Variants in KIAA1671 observed in about 807,000 individuals in gnomAD.
KIAA1671 encodes the protein uncharacterized protein KIAA1671.
A neutral mutation model predicts 131.2 loss-of-function variants in KIAA1671; 52 were observed. That is an observed-to-expected ratio of 0.40 (90% confidence interval 0.32 to 0.50). KIAA1671 has a LOEUF of 0.50. KIAA1671 is among the 20% of genes least tolerant of loss of function. The probability of loss-of-function intolerance (pLI) is 0.73; values close to 1 mark genes in which losing one functional copy is unlikely to be tolerated. For missense variants in KIAA1671, 2,360 were observed against 2,364.2 expected (o/e 1.00, Z 0.04); for synonymous variants, 1,003 against 961.6 (o/e 1.04, Z -0.80).
intron 1 of KIAA1671, chr22:25,013,915 G>C (rs1338942553): frequency 6.6e-6 from 1 of 152,146 alleles, no homozygotes; most frequent in Non-Finnish European, 1.5e-5. Context: ...ATCTTTACTG[G>C]GTCTGCCCCA....
At chr22:24,997,101 T>C (rs1047447988) in intron 1 of KIAA1671, among the ~76,000 whole-genome samples, 2 of 152,202 alleles carry the variant, frequency 1.3e-5, no homozygotes, top group African/African-American at 4.8e-5. Flanking sequence ...CAAATGTTTA[T>C]TGTGTACCCA....
intron 6 of KIAA1671, among the ~76,000 whole-genome samples, chr22:25,079,906 G>A (rs998699973): frequency 6.6e-6 from 1 of 152,080 alleles, no homozygotes; most frequent in Non-Finnish European, 1.5e-5. Context: ...GACCAGTAAG[G>A]AACCACTGCA....
intron 6 of KIAA1671, among the ~76,000 whole-genome samples, chr22:25,099,317 A>G (rs1024283586): frequency 6.6e-6 from 1 of 152,122 alleles, no homozygotes. Context: ...GCCCAGGATC[A>G]CATAGCAAGG....
At chr22:25,187,823 G>A (rs757745576) in intron 11 of KIAA1671, among the ~76,000 whole-genome samples, 5 of 152,142 alleles carry the variant, frequency 3.3e-5, no homozygotes, top group Non-Finnish European at 5.9e-5. Context: ...TTATTAAAAT[G>A]TTGTGTTCTC....
chr22:25,015,340 T>G (rs1352163896), intron 1 of KIAA1671, among the ~76,000 whole-genome samples: 2 of 151,960 alleles, frequency 1.3e-5, no homozygotes, highest in Non-Finnish European at 2.9e-5. Context: ...GGCAGTGGGC[T>G]AGTTTGGCCT....
intron 1 of KIAA1671, among the ~76,000 whole-genome samples, chr22:25,022,355 T>C (rs113900516): frequency 2.0e-5 from 3 of 152,330 alleles, no homozygotes; most frequent in Admixed American, 6.5e-5. Context: ...TGGTTTTGAA[T>C]GGAAGTGCTT....
chr22:24,960,271 C>T (rs1921945463), intron 1 of KIAA1671, among the ~76,000 whole-genome samples: 1 of 151,834 alleles, frequency 6.6e-6, no homozygotes, highest in Non-Finnish European at 1.5e-5. Flanking sequence ...CTGAATAAGG[C>T]CAGCTGTGGT....
intron 1 of KIAA1671, among the ~76,000 whole-genome samples, chr22:24,967,858 T>A (rs1922382725): frequency 6.6e-6 from 1 of 152,094 alleles, no homozygotes; most frequent in Non-Finnish European, 1.5e-5. Flanking sequence ...CCGGGCGTGG[T>A]GGCGGGTGCC....
chr22:25,108,423 G>A (rs1275976945), intron 6 of KIAA1671, among the ~76,000 whole-genome samples: 1 of 152,082 alleles, frequency 6.6e-6, no homozygotes. Context: ...CTGGGCCTGC[G>A]TAATGAGGGA....
chr22:25,009,146 T>C (rs5760796), intron 1 of KIAA1671, among the ~76,000 whole-genome samples: 89,019 of 151,776 alleles, frequency 0.59, 26,197 homozygotes, highest in East Asian at 0.76. Flanking sequence ...GACTTCACAA[T>C]ACCAAGACAT....
Position 25,028,209 on chromosome 22 carries a change from C to A in KIAA1671, c.210C>A (p.Pro70=). The A allele has an allele frequency of 6.4e-7, 1 of 1,551,290 alleles. No homozygotes were observed. The highest frequency in any genetic ancestry group is 1.7e-4 in the Middle Eastern group (1 of 5,990). The part of the protein sequence containing the change: ...LLPLPRLAPK[P]FSKEQDVKSP... ...CTCTGCCAAGGCTCGCCCCCAAACC[C>A]TTCTCGAAGGAGCAGGACGTGAAAT... is the stretch of plus-strand genomic sequence containing the variant. Residue 70 remains proline (P), a synonymous_variant, in exon 3 of 13, where the codon CCC becomes CCA. Coordinates refer to ENST00000358431, the MANE Select transcript of KIAA1671 (RefSeq NM_001145206.2).
intron 5 of KIAA1671, among the ~76,000 whole-genome samples, chr22:25,048,287 C>T (rs1289954744): frequency 2.6e-5 from 4 of 152,142 alleles, no homozygotes; most frequent in African/African-American, 9.7e-5. Context: ...AATTGGCAGG[C>T]ATCTGGGTGT....
chr22:24,962,254 CTT>C (rs1055346720), intron 1 of KIAA1671, among the ~76,000 whole-genome samples: 2 of 152,282 alleles, frequency 1.3e-5, no homozygotes, highest in African/African-American at 4.8e-5. Flanking sequence ...GGCCACGTGA[CTT>C]TTGATCAGCC....
chr22:25,040,169 A>C lies in KIAA1671; in HGVS notation c.3039A>C (p.Pro1013=). ...GTGCTTCACGGGACCAGACTTCCCC[A>C]GCAGTGAAGCAAGGGTCACCTGTGG... ...NPGASRDQTS[P]AVKQGSPVEP... Residue 1013 remains proline, a synonymous_variant, in exon 5 of 13, where the codon CCA becomes CCC. Transcript: ENST00000358431. 6.4e-7 allele frequency: 1 copy of C among 1,551,740 alleles called. No individual in the cohort carries two copies. Among genetic ancestry groups the C allele is most frequent in the Non-Finnish European group, 8.7e-7 (1 of 1,147,014 alleles).
At chr22:25,035,876 T>C (rs1926562147) in intron 4 of KIAA1671, among the ~76,000 whole-genome samples, 1 of 152,120 alleles carries the variant, frequency 6.6e-6, no homozygotes, top group Admixed American at 6.5e-5. Context: ...GTAGACTTTA[T>C]GTGTGTGTGT....
chr22:25,076,244 G>T (rs1929101325), intron 6 of KIAA1671, among the ~76,000 whole-genome samples: 1 of 152,044 alleles, frequency 6.6e-6, no homozygotes, highest in South Asian at 2.1e-4. Flanking sequence ...ACCCAGAAGA[G>T]GGATTGGTGA....
At chr22:25,148,167 G>T (rs1932924406) in intron 6 of KIAA1671, among the ~76,000 whole-genome samples, 1 of 151,866 alleles carries the variant, frequency 6.6e-6, no homozygotes, top group Non-Finnish European at 1.5e-5. Flanking sequence ...TCAGAGGCCA[G>T]CCCTGCCTCA....
rs371577798 is a variant in KIAA1671 at position 24,973,257 on chromosome 22, G to A, written c.-208+20485G>A. On this transcript the variant is annotated intron_variant, in intron 1 of 12. Transcript: ENST00000358431. ...TGCTCAGGGGCAGAAGTGGAGGCCC[G>A]GAGGCCAGTGAGGAAGCTACATCTG... Among the ~76,000 whole-genome samples the A allele has an allele frequency of 4.5e-3, 679 of 152,250 alleles. 8 individuals carry two copies. Among genetic ancestry groups the A allele is most frequent in the African/African-American group, 0.015 (637 of 41,538 alleles).
chr22:24,973,405 T>TG (rs1922739937), intron 1 of KIAA1671, among the ~76,000 whole-genome samples: 1 of 141,582 alleles, frequency 7.1e-6, no homozygotes, highest in African/African-American at 2.6e-5. Flanking sequence ...TTTTTTTTTT[T>TG]TTTTTTTTTT....
Sources: gnomAD v4.1 joint callset for allele counts (sites outside exome capture counted in the v4.1 genomes callset) on GRCh38, gnomAD v4.1.1 for gene constraint, MANE v1.5 for transcripts, NCBI Gene and HGNC (gene_info 2026-07-23, HGNC 2026-07-21) for gene names.